The following IQSEC1 variants were observed in gnomAD, a reference collection of about 807,000 sequenced individuals.
IQSEC1 encodes IQ motif and Sec7 domain ArfGEF 1, also known as IQ motif and SEC7 domain-containing protein 1.
IQSEC1 carries 31 observed loss-of-function variants against 91.0 expected under a neutral mutation model. The observed-to-expected ratio is 0.34, with a 90% CI of 0.26 to 0.46. The LOEUF is 0.46. Ranked by LOEUF, IQSEC1 falls within the 20% of genes least tolerant of loss-of-function variation. The pLI, the probability that IQSEC1 is intolerant of heterozygous loss-of-function variation, is 1.00. For synonymous variants in IQSEC1, 699 were observed against 662.6 expected (o/e 1.05, Z -0.84); for missense variants, 1,388 against 1,575.6 (o/e 0.88, Z 2.02).
intron 2 of IQSEC1, among the ~76,000 whole-genome samples, chr3:13,154,023 G>T (rs186678206): frequency 6.6e-6 from 1 of 152,074 alleles, no homozygotes; most frequent in African/African-American, 2.4e-5. Flanking sequence ...AAGCCAACGG[G>T]ATGAAAATCG....
chr3:12,901,512 A>G lies in IQSEC1; in HGVS notation c.2816T>C (p.Ile939Thr). The G allele has an allele frequency of 4.5e-6, 7 of 1,549,388 alleles. No homozygotes were observed. Among genetic ancestry groups the G allele is most frequent in the Non-Finnish European group, 6.1e-6 (7 of 1,146,480 alleles). The change falls in exon 14 of 14, where the codon ATT (isoleucine) becomes ACT (threonine). Residue 939 changes from isoleucine to threonine, a missense_variant. This residue lies in a region of IQSEC1 where 329 missense variants were observed against 257.8 expected (regional missense o/e 1.28). Transcript: ENST00000613206. ...SLESNVEGSI[I>T]SSPHMRRRAT... ...TCTCCGGCGCATGTGAGGACTGCTA[A>G]TGATGGACCCCTAAAAAGGAAATTC... is the stretch of plus-strand genomic sequence containing the variant.
intron 1 of IQSEC1, among the ~76,000 whole-genome samples, chr3:12,981,116 C>T (rs1487254869): frequency 2.0e-5 from 3 of 152,188 alleles, no homozygotes; most frequent in African/African-American, 7.2e-5. Flanking sequence ...ACTCCAAGGG[C>T]AGCAGAGGGG....
intron 1 of IQSEC1, among the ~76,000 whole-genome samples, chr3:13,270,400 AC>A (rs1166968026): frequency 2.0e-5 from 3 of 152,220 alleles, no homozygotes; most frequent in African/African-American, 7.2e-5. Context: ...AATAGCAGAG[AC>A]AAATAATTCA....
intron 2 of IQSEC1, among the ~76,000 whole-genome samples, chr3:13,127,177 C>G (rs1706527887): frequency 6.6e-6 from 1 of 152,134 alleles, no homozygotes; most frequent in African/African-American, 2.4e-5. Context: ...TTTTGGGAGG[C>G]CGAGGCAGGT....
In IQSEC1 at chr3:12,940,873, G is replaced by A. The variant is rs1396851703; in HGVS notation, c.318+698C>T. ...CTCCCCAGGGACCGCTCAGGGCCTC[G>A]CTCTTTCCTCTGCACCCCAGGATTC... On this transcript the variant is annotated intron_variant, in intron 2 of 13. Transcript: ENST00000613206. The surrounding 1 kb of genome is among the most constrained non-coding windows in gnomAD (Gnocchi z 4.4). Among the ~76,000 whole-genome samples the A allele has an allele frequency of 1.3e-5, 2 of 152,178 alleles. No individual in the cohort carries two copies. Among genetic ancestry groups the A allele is most frequent in the East Asian group, 1.9e-4 (1 of 5,188 alleles).
intron 1 of IQSEC1, among the ~76,000 whole-genome samples, chr3:13,268,133 GC>G (rs1354341414): frequency 1.3e-5 from 2 of 152,294 alleles, no homozygotes; most frequent in Non-Finnish European, 2.9e-5. Flanking sequence ...TTCTGTCACG[GC>G]CAATGCACAC....
At chr3:13,070,389 G>C (rs1478619955) in intron 1 of IQSEC1, among the ~76,000 whole-genome samples, 2 of 152,200 alleles carry the variant, frequency 1.3e-5, no homozygotes, top group South Asian at 2.1e-4. Flanking sequence ...AATCAAGTTG[G>C]GCAGCTCTGA....
intron 2 of IQSEC1, among the ~76,000 whole-genome samples, chr3:13,163,463 C>T (rs1707216465): frequency 1.3e-5 from 2 of 152,182 alleles, no homozygotes; most frequent in Admixed American, 6.5e-5. Context: ...CCATGGCCTT[C>T]TTGGTCCCCC....
At chr3:12,991,623 A>C (rs984620612) in intron 1 of IQSEC1, among the ~76,000 whole-genome samples, 46 of 152,348 alleles carry the variant, frequency 3.0e-4, no homozygotes, top group African/African-American at 9.4e-4. Context: ...TGACCAGCAC[A>C]AAGGCAGCTC....
chr3:13,177,577 C>T (rs1408440621), intron 1 of IQSEC1, among the ~76,000 whole-genome samples: 1 of 152,264 alleles, frequency 6.6e-6, no homozygotes, highest in Admixed American at 6.5e-5. Context: ...CATTCCCCAT[C>T]CCTGTGGACA....
chr3:13,211,760 T>G lies in IQSEC1; in HGVS notation c.273-47627A>C, dbSNP rs946894384. On this transcript the variant is annotated intron_variant, in intron 1 of 15. Coordinates refer to the IQSEC1 transcript ENST00000648114. The surrounding 1 kb of genome is among the most constrained non-coding windows in gnomAD (Gnocchi z 5.3). ...CTTTGCCCTGGAACTTCCCTCTTCC[T>G]GGAAGGCCCTCTCTCCCTGCCCCCA... Among the ~76,000 whole-genome samples the G allele has an allele frequency of 1.3e-5, 2 of 152,142 alleles. No homozygotes were observed. Among genetic ancestry groups the G allele is most frequent in the Non-Finnish European group, 2.9e-5 (2 of 68,008 alleles).
chr3:12,939,235 C>T (rs2125334447), intron 2 of IQSEC1, among the ~76,000 whole-genome samples: 1 of 152,350 alleles, frequency 6.6e-6, no homozygotes, highest in East Asian at 1.9e-4. Flanking sequence ...GGAGTCGACC[C>T]CGTGGCCAGG....
At chr3:13,180,148 C>T (rs544403097) in intron 1 of IQSEC1, among the ~76,000 whole-genome samples, 3 of 152,318 alleles carry the variant, frequency 2.0e-5, no homozygotes, top group Admixed American at 1.3e-4. Context: ...CGCCCCAGTG[C>T]GGATCCACTG....
chr3:12,940,869 C>T lies in IQSEC1; in HGVS notation c.318+702G>A, dbSNP rs1464205209. Among the ~76,000 whole-genome samples the T allele has an allele frequency of 1.6e-4, 25 of 152,206 alleles. No homozygotes were observed. Among genetic ancestry groups the T allele is most frequent in the Admixed American group, 1.6e-3 (25 of 15,286 alleles). On this transcript the variant is annotated intron_variant, in intron 2 of 13. Transcript: ENST00000613206. The surrounding 1 kb of genome is among the most constrained non-coding windows in gnomAD (Gnocchi z 4.4). ...TGGCCTCCCCAGGGACCGCTCAGGG[C>T]CTCGCTCTTTCCTCTGCACCCCAGG...
At chr3:13,170,635 G>A (rs139356442) in intron 1 of IQSEC1, among the ~76,000 whole-genome samples, 53 of 152,366 alleles carry the variant, frequency 3.5e-4, no homozygotes, top group Non-Finnish European at 6.5e-4. Context: ...CAAGAGGGCC[G>A]CTCTAGTCCA....
At chr3:13,017,026 G>A (rs1328655674) in intron 1 of IQSEC1, among the ~76,000 whole-genome samples, 2 of 152,164 alleles carry the variant, frequency 1.3e-5, no homozygotes. Context: ...TGTCCTCAAG[G>A]TTCACCTGTG....
chr3:13,021,125 C>A (rs1157335116), intron 1 of IQSEC1, among the ~76,000 whole-genome samples: 1 of 152,190 alleles, frequency 6.6e-6, no homozygotes, highest in Non-Finnish European at 1.5e-5. Flanking sequence ...TAGGTGGCTG[C>A]CCCTAAGCCC....
chr3:13,203,825 T>C (rs988908922), intron 1 of IQSEC1, among the ~76,000 whole-genome samples: 1 of 152,220 alleles, frequency 6.6e-6, no homozygotes, highest in Admixed American at 6.5e-5. Context: ...CTGCTTCCTC[T>C]CATGGTTCCT....
At position 12,941,822 on chromosome 3, in the gene IQSEC1, C is replaced by T. The variant is rs1308807967; in HGVS notation, c.67G>A (p.Asp23Asn). ...APSSETGTSL[D>N]SPSAYPQGPL... is the part of the protein sequence containing the mutation. ...CCCTGGGGGTAGGCTGAGGGGCTGT[C>T]CAGGGATGTGCCAGTCTCACTGCTG... Residue 23 changes from aspartate (D) to asparagine (N), a missense_variant, in exon 2 of 14, where the codon GAC becomes AAC. Coordinates refer to ENST00000613206, the MANE Select transcript of IQSEC1 (RefSeq NM_001134382.3). 2.5e-6 allele frequency: 4 copies of T among 1,608,870 alleles called. No individual in the cohort carries two copies. In the South Asian group the frequency reaches 3.3e-5, roughly 13 times the overall value.
Sources: allele counts gnomAD v4.1 joint callset (sites outside exome capture counted in the v4.1 genomes callset), GRCh38; gene constraint gnomAD v4.1.1; regional missense constraint gnomAD v4.1.1; non-coding constraint Gnocchi (gnomAD v3.1); transcripts MANE v1.5; gene names NCBI Gene and HGNC (gene_info 2026-07-23, HGNC 2026-07-21).